The following GREB1L variants were observed in gnomAD, a reference collection of about 807,000 sequenced individuals.
GREB1L encodes GREB1-like protein.
GREB1L carries 17 observed loss-of-function variants against 200.8 expected under a neutral mutation model. The ratio of observed to expected loss-of-function variants is 0.08; its 90% CI spans 0.06 to 0.13. GREB1L has a LOEUF of 0.13. Ranked by LOEUF, GREB1L falls within the 10% of genes least tolerant of loss-of-function variation. GREB1L has a pLI of 1.00. For missense variants in GREB1L, 1,657 were observed against 2,367.7 expected (o/e 0.70, Z 6.23); for synonymous variants, 789 against 893.0 (o/e 0.88, Z 2.08).
intron 1 of GREB1L, among the ~76,000 whole-genome samples, chr18:21,259,701 A>T (rs1280174921): frequency 6.6e-6 from 1 of 152,096 alleles, no homozygotes; most frequent in African/African-American, 2.4e-5. Flanking sequence ...TTAATTTTTT[A>T]AAAACTAGAA....
chr18:21,361,228 A>G (rs1418173244), intron 1 of GREB1L, among the ~76,000 whole-genome samples: 1 of 152,226 alleles, frequency 6.6e-6, no homozygotes, highest in Admixed American at 6.5e-5. Context: ...GAGAAGAGAG[A>G]GGCTACAGTT....
intron 1 of GREB1L, among the ~76,000 whole-genome samples, chr18:21,332,776 A>G (rs1452147071): frequency 6.6e-6 from 1 of 152,046 alleles, no homozygotes; most frequent in African/African-American, 2.4e-5. Context: ...CACCTGGCCT[A>G]CCACTGTAAA....
chr18:21,510,143 G>C (rs1389860848), intron 27 of GREB1L, among the ~76,000 whole-genome samples: 4 of 151,396 alleles, frequency 2.6e-5, no homozygotes, highest in Admixed American at 2.6e-4. Flanking sequence ...GAACCCGGGA[G>C]CTGGTGGCGG....
At chr18:21,440,485 T>C in intron 9 of GREB1L, 97 bp downstream of exon 9, 3 of 1,197,556 alleles carry the variant, frequency 2.5e-6, no homozygotes, top group Non-Finnish European at 3.6e-6. Flanking sequence ...CAATGAGTTA[T>C]ATGAGGATAT....
intron 11 of GREB1L, among the ~76,000 whole-genome samples, chr18:21,445,953 T>G (rs2034191206): frequency 6.6e-6 from 1 of 152,226 alleles, no homozygotes; most frequent in Non-Finnish European, 1.5e-5. Context: ...AAACCAGGCT[T>G]CATAAAGTGA....
rs1184258921 is a variant in GREB1L at position 21,353,402 on chromosome 18, C to G, written c.-119-12625C>G. Among the ~76,000 whole-genome samples, 14 of 152,042 alleles carry G rather than the reference C, an allele frequency of 9.2e-5. No individual in the cohort carries two copies. The South Asian group carries it at 2.7e-3, about 29-fold the overall frequency. ...TACTAGAATATGCTTAACCATTTCTCTATTGATGGAATATTTGTTCTCAAG... is the reference window on the plus strand; with the variant it reads ...TACTAGAATATGCTTAACCATTTCTGTATTGATGGAATATTTGTTCTCAAG... On this transcript the variant is annotated intron_variant, in intron 1 of 32. Transcript: ENST00000424526.
At chr18:21,497,650 AAAAG>A (rs570541075) in intron 21 of GREB1L, among the ~76,000 whole-genome samples, 234 of 151,868 alleles carry the variant, frequency 1.5e-3, no homozygotes, top group Middle Eastern at 6.8e-3. Context: ...GTCTCAAAAA[AAAAG>A]AAAGAAAGAG....
chr18:21,275,031 G>T (rs954196923), intron 1 of GREB1L, among the ~76,000 whole-genome samples: 1 of 152,170 alleles, frequency 6.6e-6, no homozygotes, highest in African/African-American at 2.4e-5. Context: ...CACGAGGTCA[G>T]GAGATCGAGA....
chr18:21,389,164 G>A (rs979345197), intron 4 of GREB1L, among the ~76,000 whole-genome samples: 24 of 152,130 alleles, frequency 1.6e-4, no homozygotes, highest in African/African-American at 5.5e-4. Context: ...CCCATTTATT[G>A]ATGGGTTCAT....
intron 7 of GREB1L, among the ~76,000 whole-genome samples, chr18:21,404,441 C>T (rs1436624573): frequency 1.3e-5 from 2 of 152,140 alleles, no homozygotes; most frequent in African/African-American, 2.4e-5. Flanking sequence ...TGGATCACAA[C>T]GGATGAATCC....
chr18:21,334,078 G>A (rs2145072353), intron 1 of GREB1L, among the ~76,000 whole-genome samples: 1 of 152,136 alleles, frequency 6.6e-6, no homozygotes, highest in South Asian at 2.1e-4. Flanking sequence ...ATTGTGAAAT[G>A]GTAGTCAAAC....
rs986931680 is a variant in GREB1L, at chr18:21,508,588, G to C, written c.4732G>C (p.Val1578Leu). ...VLPGMFNNAG[V>L]GAARFLIKEL... The stretch of plus-strand genomic sequence containing the variant: ...TCCCGGCATGTTCAATAATGCAGGC[G>C]TGGGTAAGGGGCCCCCCTGGGATGG... The change falls in exon 27 of 33, where the codon GTG (valine) becomes CTG (leucine). Residue 1578 changes from valine (V) to leucine (L), a missense_variant. Physicochemically the swap from Val to Leu is conservative, Grantham distance 32. This residue lies in a region of GREB1L where 151 missense variants were observed against 309.6 expected (regional missense o/e 0.49). Transcript: ENST00000424526. 1 of 1,551,438 alleles carries C rather than the reference G, an allele frequency of 6.4e-7. No individual in the cohort carries two copies. Among genetic ancestry groups the C allele is most frequent in the Admixed American group, 2.0e-5 (1 of 50,986 alleles).
intron 31 of GREB1L, among the ~76,000 whole-genome samples, chr18:21,519,019 G>T (rs2037522344): frequency 6.6e-6 from 1 of 151,726 alleles, no homozygotes; most frequent in South Asian, 2.1e-4. Context: ...CTCTTTTAAC[G>T]CTAAAGTCAC....
chr18:21,494,873 G>A (rs1455810914), intron 19 of GREB1L, among the ~76,000 whole-genome samples: 4 of 152,084 alleles, frequency 2.6e-5, no homozygotes, highest in Admixed American at 2.6e-4. Context: ...TTTCAAATTG[G>A]CGGGATTACT....
At chr18:21,436,640 A>G (rs771096614) in intron 7 of GREB1L, among the ~76,000 whole-genome samples, 3 of 151,832 alleles carry the variant, frequency 2.0e-5, no homozygotes, top group African/African-American at 7.3e-5. Flanking sequence ...TCTCAAAAAC[A>G]TAAAGATAGA....
chr18:21,508,721 A>G (rs531686886), intron 27 of GREB1L, 130 bp downstream of exon 27: 2 of 744,984 alleles, frequency 2.7e-6, no homozygotes, highest in Admixed American at 2.8e-5. Flanking sequence ...TTCGGAAAAA[A>G]AAAAAAAAAA....
At chr18:21,319,537 C>T (rs565865025) in intron 1 of GREB1L, among the ~76,000 whole-genome samples, 5 of 152,274 alleles carry the variant, frequency 3.3e-5, no homozygotes, top group African/African-American at 1.2e-4. Context: ...GATAGAATTT[C>T]CAATTTTAGT....
intron 1 of GREB1L, among the ~76,000 whole-genome samples, chr18:21,347,820 G>A (rs2039371370): frequency 6.9e-6 from 1 of 144,730 alleles, no homozygotes; most frequent in African/African-American, 2.6e-5. Context: ...AGGCTGGAGT[G>A]CAGTGGCACA....
At chr18:21,325,927 C>T (rs1441715289) in intron 1 of GREB1L, among the ~76,000 whole-genome samples, 1 of 149,830 alleles carries the variant, frequency 6.7e-6, no homozygotes, top group Non-Finnish European at 1.5e-5. Flanking sequence ...CCTAATTGGA[C>T]AGAAGTAGAT....
Sources: allele counts gnomAD v4.1 joint callset (sites outside exome capture counted in the v4.1 genomes callset), GRCh38; gene constraint gnomAD v4.1.1; regional missense constraint gnomAD v4.1.1; transcripts MANE v1.5; gene names NCBI Gene and HGNC (gene_info 2026-07-23, HGNC 2026-07-21).